DOK7: variants seen among roughly 807,000 people sequenced by gnomAD.
The protein encoded by DOK7 is docking protein 7, also known as protein Dok-7.
Under a neutral mutation model 30.7 loss-of-function variants are expected in DOK7, and 32 were observed. That is an observed-to-expected ratio of 1.04 (90% CI 0.79 to 1.40). The LOEUF (loss-of-function observed/expected upper bound fraction) is 1.40. Among genes scored for constraint, DOK7 ranks in the 40% most tolerant of loss-of-function variants. The pLI is 0.00. For missense variants in DOK7, 1,007 were observed against 699.2 expected (o/e 1.44, Z -4.97); for synonymous variants, 447 against 324.1 (o/e 1.38, Z -4.07).
chr4:3,490,126 T>TTCACCCCTTCATTCCTTCCCCA (rs1560225808), intron 6 of DOK7, among the ~76,000 whole-genome samples: 1 of 114,452 alleles, frequency 8.7e-6, no homozygotes, highest in Non-Finnish European at 1.8e-5. Context: ...ATTCCTTTTC[T>TTCACCCCTTCATTCCTTCCCCA]CCCTGCTCAT....
rs569717624 is a variant in DOK7 at position 3,475,082 on chromosome 4, C to T, written c.332-1260C>T. Among the ~76,000 whole-genome samples, 424 of 152,360 alleles carry T rather than the reference C, an allele frequency of 2.8e-3. 1 individual carries two copies. The highest frequency in any genetic ancestry group is 4.6e-3 in the Non-Finnish European group (310 of 68,032). Reference sequence around the variant, plus strand: ...GTCCCCAAGGCAGCAGCCCCTCCTGCTCCATTGAGTGGGGAGAGAGAAGCT... The same window carrying T: ...GTCCCCAAGGCAGCAGCCCCTCCTGTTCCATTGAGTGGGGAGAGAGAAGCT... On this transcript the variant is annotated intron_variant, in intron 3 of 6. Coordinates refer to ENST00000340083, the MANE Select transcript of DOK7 (RefSeq NM_173660.5).
Position 3,463,452 on chromosome 4 carries a change from G to GGGGA in DOK7, c.54+26_54+27insAGGG. On this transcript the variant is annotated intron_variant, in intron 1 of 6. Transcript: ENST00000340083. ...AAGGTCGGGGCGCGTCGGGGGCGCG[G>GGGGA]GGGGGGGGGGCGCGGGCGCGGGCGG... 2.6e-6 allele frequency: 1 copy of GGGGA among 388,686 alleles called. No homozygotes were observed. Among genetic ancestry groups the GGGGA allele is most frequent in the African/African-American group, 6.1e-5 (1 of 16,450 alleles). The allele number at this position is 388,686 out of a possible 1,614,324, so 24.1% of individuals were successfully genotyped here. A position where few individuals can be genotyped will look rare whatever the true frequency, so the allele number is the denominator to read the frequency against.
intron 6 of DOK7, among the ~76,000 whole-genome samples, chr4:3,490,640 CGTTCATTT>C (rs1728286137): frequency 2.2e-4 from 7 of 32,546 alleles, no homozygotes; most frequent in Admixed American, 8.0e-4. Flanking sequence ...TCCGCCTGCT[CGTTCATTT>C]CCCTCCTGCT....
chr4:3,463,455 G>GA lies in DOK7; in HGVS notation c.54+26_54+27insA. On this transcript the variant is annotated intron_variant, in intron 1 of 6. Transcript: ENST00000340083. ...GTCGGGGCGCGTCGGGGGCGCGGGG[G>GA]GGGGGGGCGCGGGCGCGGGCGGCGG... 4 of 1,412,560 alleles carry GA rather than the reference G, an allele frequency of 2.8e-6. No individual in the cohort carries two copies. Among genetic ancestry groups the GA allele is most frequent in the East Asian group, 2.9e-5 (1 of 34,108 alleles). The allele number at this position is 1,412,560 out of a possible 1,614,324, so 87.5% of individuals were successfully genotyped here.
Position 3,476,419 on chromosome 4 carries a change from G to C in DOK7, c.409G>C (p.Val137Leu), listed in dbSNP as rs1277242101. The stretch of plus-strand genomic sequence containing the variant: ...GGCTACCCTGCACCTCTGCAATGAT[G>C]TCCTCGTCTTGGCCAGGGACATCCC... ...GPATLHLCNDVLVLARDIPPA... is the reference protein window; with the variant it reads ...GPATLHLCNDLLVLARDIPPA... Residue 137 changes from valine (V) to leucine (L), a missense_variant, in exon 4 of 7, where the codon GTC becomes CTC. Transcript: ENST00000340083. The C allele has an allele frequency of 6.2e-7, 1 of 1,613,354 alleles. No homozygotes were observed. Among genetic ancestry groups the C allele is most frequent in the Non-Finnish European group, 8.5e-7 (1 of 1,180,018 alleles).
At chr4:3,500,511 C>G (rs1729137833) in intron 7 of DOK7, 1 of 1,481,464 alleles carries the variant, frequency 6.8e-7, no homozygotes. Context: ...GGGAGCTTTT[C>G]CTACAGCCTC....
chr4:3,477,437 A>G (rs528397734), intron 4 of DOK7, among the ~76,000 whole-genome samples: 46 of 152,340 alleles, frequency 3.0e-4, no homozygotes, highest in African/African-American at 1.1e-3. Flanking sequence ...AGGCAAGGAC[A>G]CGGGCCACAC....
rs763623892 is a variant in DOK7, at chr4:3,489,786, G to C, written c.762G>C (p.Pro254=). 8 of 1,573,754 alleles carry C rather than the reference G, an allele frequency of 5.1e-6. No homozygotes were observed. The highest frequency in any genetic ancestry group is 6.9e-6 in the Non-Finnish European group (8 of 1,159,370). The change falls in exon 6 of 7, where the codon CCG becomes CCC. Residue 254 remains proline (P), a synonymous_variant. Coordinates refer to ENST00000340083, the MANE Select transcript of DOK7 (RefSeq NM_173660.5). ...RLSLLSHAGR[P]GSGGDDRSLS... ...GCCTCCTCTCACATGCGGGCAGGCC[G>C]GGCAGTGGAGGTAGGGCCGGGGGCT...
chr4:3,489,937 C>CA, intron 6 of DOK7, 141 bp downstream of exon 6: 1 of 1,333,214 alleles, frequency 7.5e-7, no homozygotes, highest in African/African-American at 1.5e-5. Context: ...CTCATTCATT[C>CA]TTCCCCCAAC....
intron 3 of DOK7, 123 bp downstream of exon 3, chr4:3,473,759 A>G: frequency 1.0e-6 from 1 of 977,366 alleles, no homozygotes; most frequent in Non-Finnish European, 1.5e-6. Context: ...TGGGACATTC[A>G]TGGGTGCCTT....
intron 4 of DOK7, chr4:3,484,875 A>G (rs1727667420): frequency 1.0e-6 from 1 of 985,322 alleles, no homozygotes; most frequent in Admixed American, 6.1e-5. Context: ...AAACATCTGA[A>G]TGCAGCCCTC....
chr4:3,480,390 C>T (rs975753917), intron 4 of DOK7, among the ~76,000 whole-genome samples: 1 of 152,114 alleles, frequency 6.6e-6, no homozygotes, highest in Non-Finnish European at 1.5e-5. Flanking sequence ...GGAGGATCAC[C>T]TGAGGTCAGG....
At chr4:3,468,563 T>A (rs1726489621) in intron 2 of DOK7, among the ~76,000 whole-genome samples, 1 of 151,326 alleles carries the variant, frequency 6.6e-6, no homozygotes, top group African/African-American at 2.4e-5. Context: ...TGTGTGAGCA[T>A]GTATGAATGT....
intron 4 of DOK7, among the ~76,000 whole-genome samples, chr4:3,482,726 C>T (rs748114692): frequency 1.3e-5 from 2 of 152,260 alleles, no homozygotes; most frequent in African/African-American, 2.4e-5. Flanking sequence ...AGGAAACATG[C>T]GCACCCTGTC....
chr4:3,471,877 C>A (rs984981009), intron 2 of DOK7, among the ~76,000 whole-genome samples: 15 of 152,258 alleles, frequency 9.9e-5, no homozygotes, highest in African/African-American at 2.9e-4. Context: ...ACGTTTCAGA[C>A]GCTGCGGACA....
At chr4:3,476,685 C>T in intron 4 of DOK7, 143 bp downstream of exon 4, 1 of 1,095,294 alleles carries the variant, frequency 9.1e-7, no homozygotes, top group Non-Finnish European at 1.3e-6. Context: ...ACGGAGTCTC[C>T]CCACGCTCGA....
At position 3,463,370 on chromosome 4, in the gene DOK7, CAGA is replaced by C. The variant is rs1726066680; in HGVS notation, c.-2_1del. 3 of 1,487,498 alleles carry C rather than the reference CAGA, an allele frequency of 2.0e-6. No individual in the cohort carries two copies. The highest frequency in any genetic ancestry group is 2.6e-6 in the Non-Finnish European group (3 of 1,132,840). The allele number at this position is 1,487,498 out of a possible 1,614,324, so 92.1% of individuals were successfully genotyped here. A position where few individuals can be genotyped will look rare whatever the true frequency, so the allele number is the denominator to read the frequency against. On this transcript the variant is annotated 5_prime_UTR_variant, in exon 1 of 7. Coordinates refer to ENST00000340083, the MANE Select transcript of DOK7 (RefSeq NM_173660.5). ...CGAGCGCGGCGGCGCGGAACCATGACAGAAGATGACCGAGGCGGCGCTGGTGGA... is the reference window on the plus strand; with the variant it reads ...CGAGCGCGGCGGCGCGGAACCATGACAGATGACCGAGGCGGCGCTGGTGGA...
intron 4 of DOK7, among the ~76,000 whole-genome samples, chr4:3,478,799 C>T (rs1727272515): frequency 6.6e-6 from 1 of 152,166 alleles, no homozygotes; most frequent in Non-Finnish European, 1.5e-5. Flanking sequence ...TGGGCTGTAT[C>T]CTCCTGGAGA....
intron 3 of DOK7, 26 bp from the exon 4 acceptor site, chr4:3,476,316 T>G: frequency 6.6e-7 from 1 of 1,508,562 alleles, no homozygotes; most frequent in Non-Finnish European, 8.9e-7. Flanking sequence ...CCGCCCGTGA[T>G]GCCCTCTTGC....
Sources: allele counts gnomAD v4.1 joint callset (sites outside exome capture counted in the v4.1 genomes callset), GRCh38; gene constraint gnomAD v4.1.1; transcripts MANE v1.5; gene names NCBI Gene and HGNC (gene_info 2026-07-23, HGNC 2026-07-21).